Variants in SERTAD4 observed in about 807,000 individuals in gnomAD.
SERTAD4 encodes SERTA domain containing 4.
In SERTAD4, 18 loss-of-function variants were observed where a neutral mutation model predicts 32.9. The ratio of observed to expected loss-of-function variants is 0.55; its 90% CI spans 0.38 to 0.81. The LOEUF is 0.81. Ranked by LOEUF, SERTAD4 falls within the 30% of genes least tolerant of loss-of-function variation. The probability of loss-of-function intolerance (pLI) is 0.00; values close to 1 mark genes in which losing one functional copy is unlikely to be tolerated. For synonymous variants in SERTAD4, 150 were observed against 156.4 expected, an observed-to-expected ratio of 0.96 and a Z score of 0.30; for missense variants, 383 against 426.0, an observed-to-expected ratio of 0.90 and a Z score of 0.89.
At chr1:210,236,846 A>G (rs749466032) in intron 1 of SERTAD4, among the ~76,000 whole-genome samples, 2 of 152,180 alleles carry the variant, frequency 1.3e-5, no homozygotes, top group Non-Finnish European at 1.5e-5. Flanking sequence ...CCACTGGTCT[A>G]TGGCTGCTAG....
chr1:210,235,596 T>C (rs1234042425), intron 1 of SERTAD4, among the ~76,000 whole-genome samples: 5 of 147,412 alleles, frequency 3.4e-5, no homozygotes, highest in Middle Eastern at 3.4e-3. Flanking sequence ...AATACTGTTA[T>C]GCCATGTTTC....
At position 210,242,225 on chromosome 1, in the gene SERTAD4, C is replaced by T. The variant is rs138733991; in HGVS notation, c.959C>T (p.Thr320Ile). ...CKGQFYDYFE[T>I]GYNERNNVNE... ...GGCCAATTTTATGATTATTTTGAGACCGGATATAATGAAAGAAACAATGTA... is the reference window on the plus strand; with the variant it reads ...GGCCAATTTTATGATTATTTTGAGATCGGATATAATGAAAGAAACAATGTA... The change falls in exon 4 of 4, where the codon ACC becomes ATC. Residue 320 changes from threonine (T) to isoleucine (I), a missense_variant. Physicochemically the swap from Thr to Ile is moderately conservative, Grantham distance 89. Transcript: ENST00000367012. The surrounding 1 kb of genome is among the most constrained non-coding windows in gnomAD (Gnocchi z 4.0). The T allele has an allele frequency of 0.012, 18,941 of 1,614,040 alleles. 158 individuals carry two copies. Among genetic ancestry groups the T allele is most frequent in the Non-Finnish European group, 0.013 (15,658 of 1,179,996 alleles).
In SERTAD4 at chr1:210,245,692, A is replaced by G. The variant is rs749816765; in HGVS notation, c.*3355A>G. 4.8e-6 allele frequency: 2 copies of G among 421,050 alleles called. No homozygotes were observed. Among genetic ancestry groups the G allele is most frequent in the Non-Finnish European group, 6.4e-6 (2 of 314,070 alleles). 26.1% of individuals were successfully genotyped at this position (421,050 alleles called of 1,614,324 possible). A position where few individuals can be genotyped will look rare whatever the true frequency, so the allele number is the denominator to read the frequency against. On this transcript the variant is annotated 3_prime_UTR_variant, in exon 4 of 4. Coordinates refer to ENST00000367012, the MANE Select transcript of SERTAD4 (RefSeq NM_019605.5). ...AATGGTGAAGCAAGGGAATGAAAGT[A>G]TTTATTTTTAGAGCTCATAGTTAAC...
chr1:210,236,143 T>A (rs1011079764), intron 1 of SERTAD4, among the ~76,000 whole-genome samples: 2 of 152,224 alleles, frequency 1.3e-5, no homozygotes, highest in Non-Finnish European at 2.9e-5. Flanking sequence ...AGGACTTAAT[T>A]TGTTAAATCA....
At chr1:210,246,335 A>G (rs41303291), downstream of SERTAD4, 477 of 153,520 alleles carry the variant, frequency 3.1e-3, 2 homozygotes, top group Non-Finnish European at 3.5e-3. Context: ...TCTCAATTCT[A>G]TGTGATATAG....
chr1:210,241,292 A>T (rs898664960), intron 3 of SERTAD4, among the ~76,000 whole-genome samples: 5 of 152,084 alleles, frequency 3.3e-5, no homozygotes, highest in African/African-American at 1.2e-4. Context: ...TGGGGCCTGC[A>T]CTGTGGCTCG....
rs1204998764 is a variant in SERTAD4 at position 210,245,356 on chromosome 1, A to C, written c.*3019A>C. On this transcript the variant is annotated 3_prime_UTR_variant, in exon 4 of 4. Transcript: ENST00000367012. ...CTGGGTGCATATCATTAATGAAATC[A>C]TTAACCTTTGTCTCTGGTCCTTCCT... 2.0e-5 allele frequency: 3 copies of C among 152,252 alleles called. No homozygotes were observed. Among genetic ancestry groups the C allele is most frequent in the Non-Finnish European group, 2.9e-5 (2 of 68,042 alleles). 9.4% of individuals were successfully genotyped at this position (152,252 alleles called of 1,614,324 possible).
At position 210,241,982 on chromosome 1, in the gene SERTAD4, G is replaced by A; in HGVS notation, c.716G>A (p.Ser239Asn). Residue 239 changes from serine (S) to asparagine (N), a missense_variant, in exon 4 of 4, where the codon AGT (serine) becomes AAT (asparagine). By Grantham distance (46) the Ser-to-Asn change is conservative. Coordinates refer to ENST00000367012, the MANE Select transcript of SERTAD4 (RefSeq NM_019605.5). ...SSSSPPLPLP[S>N]CSRQVDFDVG... ...TCCTCTCCCCCTTTGCCTTTACCGA[G>A]TTGTTCCCGCCAGGTGGATTTTGAT... The A allele has an allele frequency of 6.2e-7, 1 of 1,613,936 alleles. No individual in the cohort carries two copies. Among genetic ancestry groups the A allele is most frequent in the Admixed American group, 1.7e-5 (1 of 59,998 alleles).
intron 3 of SERTAD4, 66 bp downstream of exon 3, chr1:210,239,674 C>G: frequency 1.1e-6 from 1 of 877,440 alleles, no homozygotes; most frequent in Non-Finnish European, 1.8e-6. Flanking sequence ...GTTGCTTGAT[C>G]CACTTCCAGG....
chr1:210,239,472 A>G (rs752353675), intron 2 of SERTAD4, 21 bp from the exon 3 acceptor site: 12 of 1,403,766 alleles, frequency 8.5e-6, no homozygotes, highest in Admixed American at 1.7e-5. Context: ...GTCATTTGTC[A>G]TATCTGATTT....
At chr1:210,237,010 G>A (rs1038354124) in intron 1 of SERTAD4, among the ~76,000 whole-genome samples, 2 of 152,208 alleles carry the variant, frequency 1.3e-5, no homozygotes, top group African/African-American at 4.8e-5. Context: ...TCACAGAGCA[G>A]AGAAGCTCCC....
chr1:210,246,343 T>C (rs1027315320), downstream of SERTAD4: 1 of 153,540 alleles, frequency 6.5e-6, no homozygotes, highest in African/African-American at 2.4e-5. Flanking sequence ...CTATGTGATA[T>C]AGCTACACGA....
At chr1:210,235,893 A>T (rs2147844706) in intron 1 of SERTAD4, among the ~76,000 whole-genome samples, 1 of 152,350 alleles carries the variant, frequency 6.6e-6, no homozygotes, top group Admixed American at 6.5e-5. Context: ...TATTCCCATG[A>T]TCTAACACAA....
At position 210,245,316 on chromosome 1, in the gene SERTAD4, T is replaced by C. The variant is rs889069801; in HGVS notation, c.*2979T>C. On this transcript the variant is annotated 3_prime_UTR_variant, in exon 4 of 4. Coordinates refer to ENST00000367012, the MANE Select transcript of SERTAD4 (RefSeq NM_019605.5). ...GCTCCCCAAGAGTGCCTTTAATTGC[T>C]ATTCCCCTAGGCATCTGGGTGCATA... 6.6e-6 allele frequency: 1 copy of C among 152,232 alleles called. No individual in the cohort carries two copies. Among genetic ancestry groups the C allele is most frequent in the Non-Finnish European group, 1.5e-5 (1 of 68,044 alleles). 9.4% of individuals were successfully genotyped at this position (152,232 alleles called of 1,614,324 possible). A position where few individuals can be genotyped will look rare whatever the true frequency, so the allele number is the denominator to read the frequency against.
At position 210,238,070 on chromosome 1, in the gene SERTAD4, C is replaced by T. The variant is rs149048397; in HGVS notation, c.110C>T (p.Pro37Leu). The T allele has an allele frequency of 4.8e-5, 77 of 1,613,680 alleles. No homozygotes were observed. The highest frequency in any genetic ancestry group is 1.7e-4 in the Middle Eastern group (1 of 6,056). The change falls in exon 2 of 4, where the codon CCA becomes CTA. Residue 37 changes from proline to leucine, a missense_variant. Physicochemically the swap from Pro to Leu is moderately conservative, Grantham distance 98 (BLOSUM62 -3). This residue lies in a region of SERTAD4 where 96 missense variants were observed against 76.6 expected (regional missense o/e 1.25). Coordinates refer to ENST00000367012, the MANE Select transcript of SERTAD4 (RefSeq NM_019605.5). ...TLWEADSYGG[P>L]SPPGPAQAPL... is the part of the protein sequence containing the mutation. Reference sequence around the variant, plus strand: ...TGGGAGGCTGACAGCTACGGAGGCCCAAGCCCCCCAGGGCCAGCACAAGCT... The same window carrying T: ...TGGGAGGCTGACAGCTACGGAGGCCTAAGCCCCCCAGGGCCAGCACAAGCT...
rs955910014 is a variant in SERTAD4 at position 210,245,585 on chromosome 1, T to C, written c.*3248T>C. ...CAGATGCCACTACCTGGCAATGAAT[T>C]GAAAATTAGGGGAAAGCATCTTTGG... On this transcript the variant is annotated 3_prime_UTR_variant, in exon 4 of 4. Coordinates refer to ENST00000367012, the MANE Select transcript of SERTAD4 (RefSeq NM_019605.5). 5.0e-5 allele frequency: 8 copies of C among 160,022 alleles called. No homozygotes were observed. Among genetic ancestry groups the C allele is most frequent in the African/African-American group, 1.9e-4 (8 of 41,608 alleles). 9.9% of individuals were successfully genotyped at this position (160,022 alleles called of 1,614,324 possible).
chr1:210,236,247 T>C (rs528362631), intron 1 of SERTAD4, among the ~76,000 whole-genome samples: 1 of 152,376 alleles, frequency 6.6e-6, no homozygotes, highest in South Asian at 2.1e-4. Flanking sequence ...ACCTTTCTTT[T>C]GCCCACTTGT....
At chr1:210,234,385 A>G in intron 1 of SERTAD4, among the ~76,000 whole-genome samples, 1 of 152,198 alleles carries the variant, frequency 6.6e-6, no homozygotes, top group East Asian at 1.9e-4. Context: ...CAACCACAGG[A>G]CCCAGCTTCA....
In SERTAD4 at chr1:210,238,064, G is replaced by A. The variant is rs997660584; in HGVS notation, c.104G>A (p.Gly35Glu). 2.5e-6 allele frequency: 4 copies of A among 1,613,884 alleles called. No individual in the cohort carries two copies. The highest frequency in any genetic ancestry group is 2.5e-6 in the Non-Finnish European group (3 of 1,179,888). Residue 35 changes from glycine to glutamate, a missense_variant, in exon 2 of 4, where the codon GGA (glycine) becomes GAA (glutamate). By Grantham distance (98) the Gly-to-Glu change is moderately conservative. Coordinates refer to ENST00000367012, the MANE Select transcript of SERTAD4 (RefSeq NM_019605.5). ...YQTLWEADSY[G>E]GPSPPGPAQA... Reference sequence around the variant, plus strand: ...ACACTATGGGAGGCTGACAGCTACGGAGGCCCAAGCCCCCCAGGGCCAGCA... The same window carrying A: ...ACACTATGGGAGGCTGACAGCTACGAAGGCCCAAGCCCCCCAGGGCCAGCA...
Sources: gnomAD v4.1 joint callset for allele counts (sites outside exome capture counted in the v4.1 genomes callset) on GRCh38, gnomAD v4.1.1 for gene constraint, gnomAD v4.1.1 regional missense constraint, Gnocchi (gnomAD v3.1) non-coding constraint, MANE v1.5 for transcripts, NCBI Gene and HGNC (gene_info 2026-07-23, HGNC 2026-07-21) for gene names.